SCAPER: variants seen among roughly 807,000 people sequenced by gnomAD.
SCAPER encodes S phase cyclin A-associated protein in the endoplasmic reticulum.
A neutral mutation model predicts 182.2 loss-of-function variants in SCAPER; 98 were observed. That is an observed-to-expected ratio of 0.54 (90% CI 0.46 to 0.64). SCAPER has a LOEUF of 0.64. Ranked by LOEUF, SCAPER falls within the 30% of genes least tolerant of loss-of-function variation. SCAPER has a pLI of 0.00. For synonymous variants in SCAPER, 605 were observed against 564.6 expected (o/e 1.07, Z -1.01); for missense variants, 1,432 against 1,690.0 (o/e 0.85, Z 2.68).
intron 26 of SCAPER, among the ~76,000 whole-genome samples, chr15:76,433,310 C>T (rs748988918): frequency 2.0e-5 from 3 of 152,134 alleles, no homozygotes; most frequent in Non-Finnish European, 4.4e-5. Flanking sequence ...GAGTTTGAGA[C>T]CAGCCTGGCA....
chr15:76,359,222 C>G (rs975488359), intron 29 of SCAPER, among the ~76,000 whole-genome samples: 1 of 152,124 alleles, frequency 6.6e-6, no homozygotes, highest in Non-Finnish European at 1.5e-5. Flanking sequence ...TCACCCCAGC[C>G]CCATCTCTCC....
At chr15:76,551,540 C>T (rs2144954380) in intron 23 of SCAPER, among the ~76,000 whole-genome samples, 1 of 152,168 alleles carries the variant, frequency 6.6e-6, no homozygotes, top group Non-Finnish European at 1.5e-5. Flanking sequence ...AGAATACTGG[C>T]TACTGGGGAG....
intron 7 of SCAPER, among the ~76,000 whole-genome samples, chr15:76,798,609 T>C (rs1568171837): frequency 6.6e-6 from 1 of 152,036 alleles, no homozygotes; most frequent in Non-Finnish European, 1.5e-5. Flanking sequence ...CACTTAGATA[T>C]ATCATAGTCA....
rs187556792 is a variant in SCAPER at position 76,438,726 on chromosome 15, T to C, written c.3079-4416A>G. 1.3e-3 allele frequency among the ~76,000 whole-genome samples: 192 copies of C among 152,356 alleles called. 3 individuals carry two copies. Among genetic ancestry groups the C allele is most frequent in the Non-Finnish European group, 4.9e-4 (33 of 68,032 alleles). ...CCTTTACTCTACTGAACAGTCCTAC[T>C]TTCTCACCATGATCTCCTATTTTCC... On this transcript the variant is annotated intron_variant, in intron 25 of 31. Transcript: ENST00000563290.
intron 15 of SCAPER, among the ~76,000 whole-genome samples, chr15:76,741,595 T>C (rs2061541244): frequency 6.6e-6 from 1 of 152,034 alleles, no homozygotes; most frequent in Admixed American, 6.6e-5. Flanking sequence ...CCTACAGAGT[T>C]AGAGAACTGC....
chr15:76,569,787 C>T (rs1301094218), intron 23 of SCAPER, among the ~76,000 whole-genome samples: 1 of 152,022 alleles, frequency 6.6e-6, no homozygotes, highest in Non-Finnish European at 1.5e-5. Flanking sequence ...CCAGTGCTTG[C>T]TTTATTCTAC....
At chr15:76,497,107 C>T (rs1269898579) in intron 24 of SCAPER, among the ~76,000 whole-genome samples, 5 of 8,628 alleles carry the variant, frequency 5.8e-4, no homozygotes, top group Non-Finnish European at 8.2e-4. Flanking sequence ...TTTTGGTCTC[C>T]TCTTTTTTTT....
At chr15:76,661,883 T>A (rs111737544) in intron 21 of SCAPER, among the ~76,000 whole-genome samples, 1 of 152,194 alleles carries the variant, frequency 6.6e-6, no homozygotes, top group Admixed American at 6.5e-5. Context: ...CATGGACACT[T>A]ATGTTTGTTG....
rs114335674 is a variant in SCAPER, at chr15:76,591,919, A to T, written c.2712-17635T>A. The stretch of plus-strand genomic sequence containing the variant: ...TACAAAAAATACAAAAATTATCCAG[A>T]CAGGGTGGCGCATGCCTGTAGTCCC... On this transcript the variant is annotated intron_variant, in intron 22 of 31. Transcript: ENST00000563290. 8.1e-3 allele frequency among the ~76,000 whole-genome samples: 1,239 copies of T among 152,106 alleles called. 13 individuals are homozygous for T. The highest frequency in any genetic ancestry group is 0.028 in the African/African-American group (1,175 of 41,500).
intron 21 of SCAPER, among the ~76,000 whole-genome samples, chr15:76,643,297 A>T (rs2054249981): frequency 6.6e-6 from 1 of 152,206 alleles, no homozygotes; most frequent in Non-Finnish European, 1.5e-5. Flanking sequence ...CTGTTCAATA[A>T]GGATCAAACT....
chr15:76,710,116 A>G (rs1314103937), intron 17 of SCAPER, among the ~76,000 whole-genome samples: 1 of 152,226 alleles, frequency 6.6e-6, no homozygotes, highest in Non-Finnish European at 1.5e-5. Context: ...AAGGACACCC[A>G]ACATCACAAC....
intron 14 of SCAPER, among the ~76,000 whole-genome samples, chr15:76,758,545 C>G (rs2151226953): frequency 6.6e-6 from 1 of 152,226 alleles, no homozygotes; most frequent in African/African-American, 2.4e-5. Flanking sequence ...GCTCTTCTTG[C>G]TCAAGATGAC....
chr15:76,885,273 G>A (rs2073780079), intron 1 of SCAPER, among the ~76,000 whole-genome samples: 1 of 152,110 alleles, frequency 6.6e-6, no homozygotes, highest in South Asian at 2.1e-4. Flanking sequence ...CCTCACAGTA[G>A]GTTATCATGT....
chr15:76,825,093 T>C (rs996132952), intron 5 of SCAPER, among the ~76,000 whole-genome samples: 2 of 152,210 alleles, frequency 1.3e-5, no homozygotes, highest in Non-Finnish European at 2.9e-5. Flanking sequence ...CCCTCATAGA[T>C]GCCTGCACAG....
At chr15:76,438,490 C>T (rs894729330) in intron 25 of SCAPER, among the ~76,000 whole-genome samples, 29 of 152,226 alleles carry the variant, frequency 1.9e-4, no homozygotes, top group African/African-American at 6.0e-4. Flanking sequence ...TACAGCTGAC[C>T]GGCAACTTTT....
At chr15:76,812,164 C>A (rs2066674503) in intron 5 of SCAPER, among the ~76,000 whole-genome samples, 1 of 151,522 alleles carries the variant, frequency 6.6e-6, no homozygotes, top group Non-Finnish European at 1.5e-5. Flanking sequence ...AAACACAAAA[C>A]TTAGCCAGGT....
At chr15:76,641,790 G>T (rs1320365429) in intron 21 of SCAPER, among the ~76,000 whole-genome samples, 1 of 152,138 alleles carries the variant, frequency 6.6e-6, no homozygotes, top group Non-Finnish European at 1.5e-5. Flanking sequence ...GATAAAACTG[G>T]AGAGTTAGGC....
intron 27 of SCAPER, among the ~76,000 whole-genome samples, chr15:76,393,399 T>C (rs2043840886): frequency 6.6e-6 from 1 of 152,164 alleles, no homozygotes; most frequent in Non-Finnish European, 1.5e-5. Context: ...TCATTGCCTA[T>C]CTCCCAATAC....
At chr15:76,375,271 C>CT (rs113912795) in intron 29 of SCAPER, among the ~76,000 whole-genome samples, 7,932 of 131,620 alleles carry the variant, frequency 0.06, 277 homozygotes, top group South Asian at 0.12. Flanking sequence ...TCTATGAAAT[C>CT]TTTTTTTTTT....
Sources: allele counts gnomAD v4.1 joint callset (sites outside exome capture counted in the v4.1 genomes callset), GRCh38; gene constraint gnomAD v4.1.1; transcripts MANE v1.5; gene names NCBI Gene and HGNC (gene_info 2026-07-23, HGNC 2026-07-21).